The following PCDH15 variants were observed in gnomAD, a reference collection of about 807,000 sequenced individuals.
The protein encoded by PCDH15 is protocadherin related 15.
A neutral mutation model predicts 178.5 loss-of-function variants in PCDH15; 129 were observed. The observed-to-expected ratio is 0.72, with a 90% CI of 0.63 to 0.84. The LOEUF is 0.84. Among genes scored for constraint, PCDH15 ranks in the 40% least tolerant of loss-of-function variants. The pLI is 0.00. For missense variants in PCDH15, 2,230 were observed against 2,099.9 expected (o/e 1.06, Z -1.21); for synonymous variants, 800 against 732.0 (o/e 1.09, Z -1.50).
intron 1 of PCDH15, among the ~76,000 whole-genome samples, chr10:55,292,229 G>A (rs1379751192): frequency 1.3e-5 from 2 of 152,098 alleles, no homozygotes; most frequent in Non-Finnish European, 2.9e-5. Context: ...AAGCAAGTTA[G>A]TTACTTCCTA....
At chr10:53,982,183 A>G (rs945030730) in intron 21 of PCDH15, among the ~76,000 whole-genome samples, 13 of 152,290 alleles carry the variant, frequency 8.5e-5, no homozygotes, top group Admixed American at 6.5e-4. Context: ...GGTGCTGGAA[A>G]GGATGTGGAG....
chr10:54,696,821 A>G (rs1252757241), intron 1 of PCDH15, among the ~76,000 whole-genome samples: 1 of 152,144 alleles, frequency 6.6e-6, no homozygotes, highest in Admixed American at 6.6e-5. Flanking sequence ...ACTTTTAACA[A>G]GTTAAAGTAA....
At chr10:53,959,122 A>T (rs76979354) in intron 23 of PCDH15, among the ~76,000 whole-genome samples, 1 of 149,276 alleles carries the variant, frequency 6.7e-6, no homozygotes, top group African/African-American at 2.4e-5. Context: ...ATTGGTGTAT[A>T]TGCATATAGT....
At chr10:55,484,227 A>G (rs1304113721) in intron 2 of PCDH15, among the ~76,000 whole-genome samples, 3 of 151,770 alleles carry the variant, frequency 2.0e-5, no homozygotes, top group Non-Finnish European at 4.4e-5. Context: ...AATCTGTACA[A>G]CAAGCCCCCA....
chr10:55,197,111 G>T (rs897078131), intron 1 of PCDH15, among the ~76,000 whole-genome samples: 1 of 151,902 alleles, frequency 6.6e-6, no homozygotes, highest in Non-Finnish European at 1.5e-5. Flanking sequence ...TCAGAGGCCA[G>T]ATTGAAACAA....
In PCDH15 at chr10:53,822,549, G is replaced by A. The variant is rs772619593; in HGVS notation, c.4368-2319C>T. On this transcript the variant is annotated intron_variant, in intron 32 of 37. Coordinates refer to ENST00000644397, the MANE Select transcript of PCDH15 (RefSeq NM_001384140.1). Reference sequence around the variant, plus strand: ...AAAATTTTCAAAAATATTTCTTTCGGTTTCAATAGGTAACATACAAATAGG... The same window carrying A: ...AAAATTTTCAAAAATATTTCTTTCGATTTCAATAGGTAACATACAAATAGG... 18 of 1,613,744 alleles carry A rather than the reference G, an allele frequency of 1.1e-5. 1 individual carries two copies. The South Asian group carries it at 1.9e-4, about 17-fold the overall frequency.
intron 2 of PCDH15, among the ~76,000 whole-genome samples, chr10:55,156,577 T>C (rs1838896051): frequency 6.6e-6 from 1 of 152,088 alleles, no homozygotes. Context: ...ATCCAGGCAA[T>C]AAATATACCT....
At chr10:54,603,843 C>G (rs957940670) in intron 2 of PCDH15, among the ~76,000 whole-genome samples, 1 of 151,942 alleles carries the variant, frequency 6.6e-6, no homozygotes, top group Non-Finnish European at 1.5e-5. Context: ...GTCCCTGAGC[C>G]TAGAGAGAGG....
chr10:55,166,183 C>T (rs556404863), intron 2 of PCDH15, among the ~76,000 whole-genome samples: 7 of 152,150 alleles, frequency 4.6e-5, no homozygotes, highest in Non-Finnish European at 7.4e-5. Context: ...AAAGAGCCAT[C>T]GACCTGATGG....
chr10:54,877,936 C>CTTTTTTTTTTTTTTTTTTTTTTT (rs1954176789), intron 3 of PCDH15, among the ~76,000 whole-genome samples: 2 of 104,352 alleles, frequency 1.9e-5, no homozygotes, highest in Non-Finnish European at 4.0e-5. Flanking sequence ...CTCTCTCTCT[C>CTTTTTTTTTTTTTTTTTTTTTTT]TCTTTTTTTT....
chr10:54,509,408 C>T (rs1480492783), intron 3 of PCDH15, among the ~76,000 whole-genome samples: 1 of 152,058 alleles, frequency 6.6e-6, no homozygotes, highest in African/African-American at 2.4e-5. Flanking sequence ...TTTTGTCTTC[C>T]ACCATGATTG....
chr10:53,841,504 T>C (rs531160615), intron 28 of PCDH15, among the ~76,000 whole-genome samples: 2 of 152,272 alleles, frequency 1.3e-5, no homozygotes, highest in Admixed American at 1.3e-4. Flanking sequence ...CTTAAGAGTC[T>C]TGTATGTGCT....
chr10:54,003,080 G>T (rs1390754758), intron 20 of PCDH15, among the ~76,000 whole-genome samples: 1 of 152,066 alleles, frequency 6.6e-6, no homozygotes, highest in Non-Finnish European at 1.5e-5. Context: ...AAAAACTCTT[G>T]ATTCAATAGG....
chr10:54,805,542 C>A (rs138192178), upstream of PCDH15, among the ~76,000 whole-genome samples: 1 of 152,188 alleles, frequency 6.6e-6, no homozygotes, highest in Non-Finnish European at 1.5e-5. Flanking sequence ...TATTCTGACA[C>A]CCTTTTATTG....
chr10:54,669,041 A>G (rs2094615335), intron 1 of PCDH15, among the ~76,000 whole-genome samples: 1 of 152,166 alleles, frequency 6.6e-6, no homozygotes, highest in South Asian at 2.1e-4. Context: ...TTCCCTTCAA[A>G]GCAACCTCAG....
At chr10:53,946,192 GTC>G (rs1264700935) in intron 23 of PCDH15, among the ~76,000 whole-genome samples, 1 of 152,130 alleles carries the variant, frequency 6.6e-6, no homozygotes, top group Non-Finnish European at 1.5e-5. Context: ...GTGTGAATAT[GTC>G]TCTCACCAGG....
intron 2 of PCDH15, among the ~76,000 whole-genome samples, chr10:55,549,248 C>A (rs1453885478): frequency 6.6e-6 from 1 of 151,810 alleles, no homozygotes; most frequent in African/African-American, 2.4e-5. Flanking sequence ...AATATATTCT[C>A]TAATAATATT....
At chr10:54,377,035 T>C (rs768065174) in intron 4 of PCDH15, among the ~76,000 whole-genome samples, 14 of 151,976 alleles carry the variant, frequency 9.2e-5, no homozygotes, top group Non-Finnish European at 1.5e-4. Flanking sequence ...TATATAAATA[T>C]ACATTTGTTT....
chr10:54,587,352 T>C lies in PCDH15; in HGVS notation c.92-59475A>G, dbSNP rs530809848. On this transcript the variant is annotated intron_variant, in intron 2 of 37. Transcript: ENST00000644397. The stretch of plus-strand genomic sequence containing the variant: ...AGTAAAACGTTGAGTCCAGTGAAAA[T>C]GGAGCTACAGCAAAATCCCTGTGGG... 2.0e-5 allele frequency among the ~76,000 whole-genome samples: 3 copies of C among 152,136 alleles called. No homozygotes were observed. The East Asian group carries it at 5.8e-4, about 29-fold the overall frequency.
Sources: gnomAD v4.1 joint callset for allele counts (sites outside exome capture counted in the v4.1 genomes callset) on GRCh38, gnomAD v4.1.1 for gene constraint, MANE v1.5 for transcripts, NCBI Gene and HGNC (gene_info 2026-07-23, HGNC 2026-07-21) for gene names.